Variants in VPS13D observed in about 807,000 individuals in gnomAD.
VPS13D encodes vacuolar protein sorting 13 homolog D.
VPS13D carries 187 observed loss-of-function variants against 461.9 expected under a neutral mutation model. The observed-to-expected ratio is 0.40, with a 90% CI of 0.36 to 0.46. VPS13D has a LOEUF of 0.46. VPS13D is among the 20% of genes least tolerant of loss of function. The pLI is 0.60. For missense variants in VPS13D, 4,711 were observed against 5,364.9 expected (o/e 0.88, Z 3.81); for synonymous variants, 1,951 against 1,986.3 (o/e 0.98, Z 0.47).
At chr1:12,411,602 T>C (rs1449893100) in intron 63 of VPS13D, among the ~76,000 whole-genome samples, 2 of 152,192 alleles carry the variant, frequency 1.3e-5, no homozygotes, top group African/African-American at 4.8e-5. Flanking sequence ...TATCTATTAT[T>C]GTGTAACAAA....
At chr1:12,306,764 G>C (rs1186521535) in intron 26 of VPS13D, among the ~76,000 whole-genome samples, 1 of 152,112 alleles carries the variant, frequency 6.6e-6, no homozygotes, top group African/African-American at 2.4e-5. Flanking sequence ...CCACAGACAG[G>C]GTTGGGGATG....
chr1:12,317,889 T>A (rs1642932759), intron 30 of VPS13D, among the ~76,000 whole-genome samples, 183 bp from the exon 31 acceptor site: 2 of 152,244 alleles, frequency 1.3e-5, no homozygotes, highest in African/African-American at 4.8e-5. Context: ...CTGAATGTGT[T>A]ATTAAACCAG....
intron 13 of VPS13D, among the ~76,000 whole-genome samples, chr1:12,264,960 G>A (rs1236947437): frequency 1.3e-5 from 2 of 152,122 alleles, no homozygotes; most frequent in Non-Finnish European, 1.5e-5. Context: ...ACTTTAAGTT[G>A]CTGATTTACC....
At chr1:12,508,542 TAA>T (rs540771447) in intron 69 of VPS13D, among the ~76,000 whole-genome samples, 6,708 of 116,168 alleles carry the variant, frequency 0.058, 256 homozygotes, top group African/African-American at 0.12. Flanking sequence ...CATCTCTACT[TAA>T]AAAAAAAAAA....
rs192054534 is a variant in VPS13D, at chr1:12,432,888, C to A, written c.12333+16061C>A. Among the ~76,000 whole-genome samples, 3 of 152,310 alleles carry A rather than the reference C, an allele frequency of 2.0e-5. No homozygotes were observed. In the East Asian group the frequency reaches 5.8e-4, roughly 29 times the overall value. Reference sequence around the variant, plus strand: ...GGGATTACAGGCATGAGCCACTGTGCCTGGCGTCTGAGTCCTCCTTCTAAA... The same window carrying A: ...GGGATTACAGGCATGAGCCACTGTGACTGGCGTCTGAGTCCTCCTTCTAAA... On this transcript the variant is annotated intron_variant, in intron 65 of 69. Coordinates refer to ENST00000620676, the MANE Select transcript of VPS13D (RefSeq NM_015378.4).
chr1:12,260,856 GA>G, intron 11 of VPS13D, 62 bp downstream of exon 11: 1 of 1,610,626 alleles, frequency 6.2e-7, no homozygotes, highest in South Asian at 1.1e-5. Flanking sequence ...CTACAGTTTT[GA>G]TGTGCTTGTG....
At chr1:12,500,634 A>G (rs1396121433) in intron 68 of VPS13D, among the ~76,000 whole-genome samples, 1 of 152,016 alleles carries the variant, frequency 6.6e-6, no homozygotes, top group Non-Finnish European at 1.5e-5. Context: ...TAGTTTTAGA[A>G]AGTAACATTT....
At chr1:12,349,677 A>G (rs1485183391) in intron 46 of VPS13D, among the ~76,000 whole-genome samples, 3 of 152,206 alleles carry the variant, frequency 2.0e-5, no homozygotes, top group Non-Finnish European at 4.4e-5. Flanking sequence ...GGGAAGGAAA[A>G]CAAACAGAAA....
chr1:12,319,396 T>C (rs1378684225), intron 31 of VPS13D, 101 bp from the exon 32 acceptor site: 2 of 1,516,650 alleles, frequency 1.3e-6, no homozygotes, highest in East Asian at 4.5e-5. Context: ...TACTGGTTCA[T>C]GTTGTTGCCT....
chr1:12,459,482 C>CTTTTTTTTTTT (rs869264869), intron 66 of VPS13D, among the ~76,000 whole-genome samples: 1 of 131,358 alleles, frequency 7.6e-6, no homozygotes, highest in Non-Finnish European at 1.6e-5. Flanking sequence ...CTTTTCTTTT[C>CTTTTTTTTTTT]TTTTTTTTTT....
chr1:12,484,295 A>C (rs993683098), intron 67 of VPS13D, among the ~76,000 whole-genome samples: 3 of 151,524 alleles, frequency 2.0e-5, no homozygotes, highest in African/African-American at 7.3e-5. Flanking sequence ...TACCTCCTTC[A>C]CTCTTTCATT....
chr1:12,495,450 G>A lies in VPS13D; in HGVS notation c.12663-2050G>A, dbSNP rs946398405. ...TGGGATTACAGGCGTGAGCCACTGC[G>A]CCCGGCCGATGTAACATCTTTTGAA... On this transcript the variant is annotated intron_variant, in intron 67 of 69. Transcript: ENST00000620676. The surrounding 1 kb of genome is among the most constrained non-coding windows in gnomAD (Gnocchi z 4.0). 2.0e-5 allele frequency among the ~76,000 whole-genome samples: 3 copies of A among 152,124 alleles called. No homozygotes were observed. The highest frequency in any genetic ancestry group is 1.9e-4 in the East Asian group (1 of 5,186).
intron 32 of VPS13D, 64 bp downstream of exon 32, chr1:12,319,694 G>C: frequency 1.2e-6 from 2 of 1,607,044 alleles, no homozygotes; most frequent in Non-Finnish European, 1.7e-6. Flanking sequence ...ATCTGGAAGA[G>C]AATTTTCCCT....
intron 14 of VPS13D, among the ~76,000 whole-genome samples, 174 bp downstream of exon 14, chr1:12,267,185 A>G (rs996512661): frequency 2.0e-5 from 3 of 152,216 alleles, no homozygotes; most frequent in Admixed American, 6.5e-5. Context: ...ATTAATGGCT[A>G]TGCCTTCTTG....
At chr1:12,286,921 T>G (rs1368526278) in intron 21 of VPS13D, among the ~76,000 whole-genome samples, 1 of 152,146 alleles carries the variant, frequency 6.6e-6, no homozygotes, top group Non-Finnish European at 1.5e-5. Context: ...AGTGCAGTGG[T>G]GCGATCTTGG....
At chr1:12,416,582 C>T (rs1300558241) in intron 64 of VPS13D, 78 bp from the exon 65 acceptor site, 2 of 1,446,298 alleles carry the variant, frequency 1.4e-6, no homozygotes, top group Non-Finnish European at 1.9e-6. Flanking sequence ...GATTTCTAAG[C>T]TCTTCGCTTG....
intron 13 of VPS13D, among the ~76,000 whole-genome samples, chr1:12,262,338 T>A (rs1641136840): frequency 6.6e-6 from 1 of 152,258 alleles, no homozygotes; most frequent in Non-Finnish European, 1.5e-5. Flanking sequence ...AATATAGATA[T>A]ACAGACAGTC....
chr1:12,448,291 AT>A (rs956635038), intron 65 of VPS13D, among the ~76,000 whole-genome samples: 1 of 152,086 alleles, frequency 6.6e-6, no homozygotes, highest in African/African-American at 2.4e-5. Flanking sequence ...CATAGAGGGA[AT>A]TTTTTTTCCT....
At chr1:12,374,714 C>T (rs1644173835) in intron 55 of VPS13D, among the ~76,000 whole-genome samples, 2 of 152,226 alleles carry the variant, frequency 1.3e-5, no homozygotes, top group Middle Eastern at 3.4e-3. Context: ...GTTACTGTGT[C>T]AGTATGTGTA....
Sources: allele counts gnomAD v4.1 joint callset (sites outside exome capture counted in the v4.1 genomes callset), GRCh38; gene constraint gnomAD v4.1.1; non-coding constraint Gnocchi (gnomAD v3.1); transcripts MANE v1.5; gene names NCBI Gene and HGNC (gene_info 2026-07-23, HGNC 2026-07-21).